NUDT9: variants seen among roughly 807,000 people sequenced by gnomAD.
NUDT9 encodes the protein nudix hydrolase 9.
A neutral mutation model predicts 41.0 loss-of-function variants in NUDT9; 31 were observed. The ratio of observed to expected loss-of-function variants is 0.76; its 90% CI spans 0.57 to 1.02. NUDT9 has a LOEUF of 1.02. Among genes scored for constraint, NUDT9 ranks in the 50% least tolerant of loss-of-function variants. NUDT9 has a pLI of 0.00. For synonymous variants in NUDT9, 146 were observed against 147.6 expected (o/e 0.99, Z 0.08); for missense variants, 380 against 431.4 (o/e 0.88, Z 1.06).
chr4:87,446,819 A>G (rs554253860), intron 4 of NUDT9, among the ~76,000 whole-genome samples: 26 of 152,294 alleles, frequency 1.7e-4, no homozygotes, highest in African/African-American at 6.0e-4. Context: ...TATATAATAA[A>G]TGCTATCTAA....
At chr4:87,437,396 A>G (rs537085909) in intron 2 of NUDT9, among the ~76,000 whole-genome samples, 3 of 151,984 alleles carry the variant, frequency 2.0e-5, no homozygotes, top group East Asian at 3.9e-4. Context: ...GCTGGAGTGC[A>G]GTGGCGCCAT....
chr4:87,445,560 A>G (rs1722407470), intron 4 of NUDT9: 1 of 152,204 alleles, frequency 6.6e-6, no homozygotes, highest in African/African-American at 2.4e-5. Flanking sequence ...TGAGTTGGGA[A>G]GTGTTAATAT....
chr4:87,459,210 A>T lies in NUDT9; in HGVS notation c.*1189A>T, dbSNP rs1723110455. The T allele has an allele frequency of 6.6e-6, 1 of 152,238 alleles. No homozygotes were observed. The highest frequency in any genetic ancestry group is 2.1e-4 in the South Asian group (1 of 4,836). 9.4% of individuals were successfully genotyped at this position (152,238 alleles called of 1,614,324 possible). Reference sequence around the variant, plus strand: ...GCAAGAACAGAAAACCAAACACTGCATGTTCTCTTATAAGTGAGAGCTAAA... The same window carrying T: ...GCAAGAACAGAAAACCAAACACTGCTTGTTCTCTTATAAGTGAGAGCTAAA... On this transcript the variant is annotated 3_prime_UTR_variant, in exon 8 of 8. Coordinates refer to ENST00000302174, the MANE Select transcript of NUDT9 (RefSeq NM_024047.5).
At chr4:87,442,327 A>G (rs756271129) in intron 4 of NUDT9, among the ~76,000 whole-genome samples, 4 of 152,196 alleles carry the variant, frequency 2.6e-5, no homozygotes, top group Non-Finnish European at 5.9e-5. Context: ...AAAACACGAT[A>G]TAAAAGATAA....
chr4:87,447,179 G>T (rs1031459162), intron 4 of NUDT9, among the ~76,000 whole-genome samples: 4 of 152,100 alleles, frequency 2.6e-5, no homozygotes, highest in Admixed American at 6.5e-5. Context: ...TTTATTTTAT[G>T]ACTTTGTTTC....
chr4:87,446,334 C>T (rs1035572403), intron 4 of NUDT9, among the ~76,000 whole-genome samples: 8 of 150,730 alleles, frequency 5.3e-5, no homozygotes, highest in Non-Finnish European at 1.0e-4. Flanking sequence ...CTGCAACCTC[C>T]AAGTGATTCT....
At chr4:87,426,946 A>C (rs201241274) in intron 1 of NUDT9, among the ~76,000 whole-genome samples, 38 of 149,256 alleles carry the variant, frequency 2.5e-4, no homozygotes, top group African/African-American at 8.6e-4. Flanking sequence ...AAAAAAAAAA[A>C]CAAAAAACTA....
At position 87,435,007 on chromosome 4, in the gene NUDT9, A is replaced by T; in HGVS notation, c.134A>T (p.His45Leu). ...AACTCGTTTTCATCTTCTTGGTTTC[A>T]TCTTAATACCAACGTCATGTCTGGT... ...FRNSFSSSWFHLNTNVMSGSN... is the reference protein window; with the variant it reads ...FRNSFSSSWFLLNTNVMSGSN... The change falls in exon 2 of 8, where the codon CAT (histidine) becomes CTT (leucine). Residue 45 changes from histidine to leucine, a missense_variant. By Grantham distance (99) the His-to-Leu change is moderately conservative. Transcript: ENST00000302174. The T allele has an allele frequency of 1.2e-6, 2 of 1,612,582 alleles. No homozygotes were observed. The highest frequency in any genetic ancestry group is 4.5e-5 in the East Asian group (2 of 44,866).
At chr4:87,432,453 C>T (rs978638707) in intron 1 of NUDT9, among the ~76,000 whole-genome samples, 2 of 152,164 alleles carry the variant, frequency 1.3e-5, no homozygotes, top group African/African-American at 4.8e-5. Context: ...TTACTTCTTC[C>T]TTTCCAATGT....
chr4:87,438,841 A>G (rs1346685199), intron 3 of NUDT9, among the ~76,000 whole-genome samples: 2 of 152,218 alleles, frequency 1.3e-5, no homozygotes, highest in Non-Finnish European at 2.9e-5. Flanking sequence ...AAGATATTAT[A>G]AAAGTGTATC....
chr4:87,450,494 T>G (rs1440496517), intron 5 of NUDT9, among the ~76,000 whole-genome samples: 2 of 148,104 alleles, frequency 1.4e-5, no homozygotes, highest in Admixed American at 1.4e-4. Context: ...ATTCCCTGCC[T>G]CAGCCTCCCG....
intron 4 of NUDT9, among the ~76,000 whole-genome samples, chr4:87,442,456 A>G (rs973568569): frequency 3.3e-5 from 5 of 152,316 alleles, no homozygotes; most frequent in African/African-American, 1.2e-4. Flanking sequence ...ACTGTCCCCT[A>G]TTGTAGAGTT....
intron 1 of NUDT9, among the ~76,000 whole-genome samples, chr4:87,426,724 A>G (rs1721440292): frequency 2.0e-5 from 3 of 151,322 alleles, no homozygotes; most frequent in Admixed American, 2.0e-4. Flanking sequence ...GTTCTTATTT[A>G]TAAAAAAAAA....
chr4:87,456,252 A>C (rs890479411), intron 7 of NUDT9, among the ~76,000 whole-genome samples: 1 of 152,172 alleles, frequency 6.6e-6, no homozygotes, highest in Admixed American at 6.5e-5. Context: ...TCATAGGAGA[A>C]TATATGGTTA....
Position 87,438,388 on chromosome 4 carries a change from A to G in NUDT9, c.443+16A>G, listed in dbSNP as rs1200026671. ...GAAGACCGAGGTAGGTACTGGGAGC[A>G]GAGCATCTTACAATAATGAGTCACC... is the stretch of plus-strand genomic sequence containing the variant. On this transcript the variant is annotated intron_variant, in intron 3 of 7. Transcript: ENST00000302174. 7.0e-7 allele frequency: 1 copy of G among 1,419,116 alleles called. No homozygotes were observed. Among genetic ancestry groups the G allele is most frequent in the Non-Finnish European group, 9.9e-7 (1 of 1,006,068 alleles). The allele number at this position is 1,419,116 out of a possible 1,614,324, so 87.9% of individuals were successfully genotyped here.
intron 4 of NUDT9, among the ~76,000 whole-genome samples, chr4:87,447,737 G>A (rs560858107): frequency 7.2e-5 from 11 of 152,142 alleles, no homozygotes; most frequent in African/African-American, 1.9e-4. Context: ...AAATCAGAGG[G>A]CATAAAGATT....
At chr4:87,428,735 C>G (rs1261052451) in intron 1 of NUDT9, among the ~76,000 whole-genome samples, 2 of 152,100 alleles carry the variant, frequency 1.3e-5, no homozygotes, top group East Asian at 1.9e-4. Flanking sequence ...AAAAAATAGT[C>G]ATTTTTTTAG....
In NUDT9 at chr4:87,432,937, TAATC is replaced by T. The variant is rs1192356295; in HGVS notation, c.108-2041_108-2038del. Among the ~76,000 whole-genome samples the T allele has an allele frequency of 2.6e-5, 4 of 152,184 alleles. No individual in the cohort carries two copies. The East Asian group carries it at 7.7e-4, about 29-fold the overall frequency. The stretch of plus-strand genomic sequence containing the variant: ...TTGTTGAGGATTTTCACATCAGTAT[TAATC>T]AAAGATAATGGTTTGTAGTTTTTTT... On this transcript the variant is annotated intron_variant, in intron 1 of 7. Transcript: ENST00000302174.
At chr4:87,432,616 C>T (rs1721735328) in intron 1 of NUDT9, among the ~76,000 whole-genome samples, 1 of 152,130 alleles carries the variant, frequency 6.6e-6, no homozygotes, top group Non-Finnish European at 1.5e-5. Context: ...TCCAGTCTTT[C>T]ACCTTCACAC....
Sources: allele counts gnomAD v4.1 joint callset (sites outside exome capture counted in the v4.1 genomes callset), GRCh38; gene constraint gnomAD v4.1.1; transcripts MANE v1.5; gene names NCBI Gene and HGNC (gene_info 2026-07-23, HGNC 2026-07-21).